Variants in TAFA2 observed in about 807,000 individuals in gnomAD.
The protein encoded by TAFA2 is chemokine-like protein TAFA-2.
TAFA2 carries 7 observed loss-of-function variants against 18.8 expected under a neutral mutation model. That is an observed-to-expected ratio of 0.37 (90% CI 0.21 to 0.70). The LOEUF (loss-of-function observed/expected upper bound fraction) is 0.70, where lower values mean the gene tolerates loss of function less well. Among genes scored for constraint, TAFA2 ranks in the 30% least tolerant of loss-of-function variants. The pLI, the probability that TAFA2 is intolerant of heterozygous loss-of-function variation, is 0.53. For synonymous variants in TAFA2, 60 were observed against 54.2 expected (o/e 1.11, Z -0.47); for missense variants, 122 against 158.1 (o/e 0.77, Z 1.23).
chr12:62,030,748 G>A (rs929538784), intron 1 of TAFA2, among the ~76,000 whole-genome samples: 1 of 152,116 alleles, frequency 6.6e-6, no homozygotes, highest in Non-Finnish European at 1.5e-5. Flanking sequence ...AATGGAACAT[G>A]ATGGGGTGGG....
At chr12:61,812,775 G>T (rs1466467167) in intron 2 of TAFA2, among the ~76,000 whole-genome samples, 1 of 150,926 alleles carries the variant, frequency 6.6e-6, no homozygotes, top group African/African-American at 2.5e-5. Flanking sequence ...TTACCATGTT[G>T]GTCAGGCTGG....
At chr12:62,211,929 A>G (rs776069263) in intron 1 of TAFA2, among the ~76,000 whole-genome samples, 52 of 152,250 alleles carry the variant, frequency 3.4e-4, no homozygotes, top group Non-Finnish European at 6.5e-4. Flanking sequence ...AATGCAAGTC[A>G]GTAAAAAGAA....
At chr12:62,019,570 A>C (rs565546618) in intron 1 of TAFA2, among the ~76,000 whole-genome samples, 140 of 151,918 alleles carry the variant, frequency 9.2e-4, no homozygotes, top group Middle Eastern at 3.4e-3. Context: ...TATCACAAGG[A>C]CAAAAAACCA....
chr12:62,070,217 C>G (rs1882593191), intron 1 of TAFA2, among the ~76,000 whole-genome samples: 1 of 152,162 alleles, frequency 6.6e-6, no homozygotes, highest in Non-Finnish European at 1.5e-5. Context: ...ATCTTAATCT[C>G]TTTCTAATAC....
chr12:61,872,732 C>T (rs1874671054), intron 1 of TAFA2, among the ~76,000 whole-genome samples: 1 of 152,068 alleles, frequency 6.6e-6, no homozygotes, highest in African/African-American at 2.4e-5. Flanking sequence ...AGACCTTACC[C>T]TAAACGTTAA....
At chr12:62,229,869 T>TTGC (rs200858132) in intron 1 of TAFA2, among the ~76,000 whole-genome samples, 1,991 of 152,192 alleles carry the variant, frequency 0.013, 48 homozygotes, top group African/African-American at 0.046. Context: ...GTTGTTGTTG[T>TTGC]TGTTGGGAGA....
chr12:62,074,877 T>C (rs1484824571), intron 1 of TAFA2, among the ~76,000 whole-genome samples: 2 of 151,992 alleles, frequency 1.3e-5, no homozygotes, highest in African/African-American at 4.8e-5. Flanking sequence ...AATTTTTGTA[T>C]TTTTAGTAGA....
intron 2 of TAFA2, 112 bp downstream of exon 2, chr12:61,867,208 G>T (rs138427501): frequency 0.02 from 13,360 of 671,750 alleles, 209 homozygotes; most frequent in Non-Finnish European, 0.027. Context: ...CTGCCAGGGG[G>T]AGAATCTATA....
chr12:61,905,119 A>G (rs1283544575), intron 1 of TAFA2, among the ~76,000 whole-genome samples: 1 of 152,174 alleles, frequency 6.6e-6, no homozygotes, highest in African/African-American at 2.4e-5. Flanking sequence ...AATATGACCA[A>G]ACAGTATTAT....
chr12:62,049,270 A>C (rs1162363817), intron 1 of TAFA2, among the ~76,000 whole-genome samples: 2 of 152,208 alleles, frequency 1.3e-5, no homozygotes, highest in African/African-American at 4.8e-5. Context: ...AATTTTCTCA[A>C]AGAGTCACCA....
intron 1 of TAFA2, among the ~76,000 whole-genome samples, chr12:62,093,915 G>A (rs192115812): frequency 2.8e-4 from 43 of 152,120 alleles, no homozygotes; most frequent in African/African-American, 9.9e-4. Flanking sequence ...GTAAAAGATT[G>A]CAAATCTGCT....
At chr12:62,091,656 A>G (rs949716707) in intron 1 of TAFA2, among the ~76,000 whole-genome samples, 2 of 151,856 alleles carry the variant, frequency 1.3e-5, no homozygotes, top group Non-Finnish European at 2.9e-5. Flanking sequence ...CATTTTTATC[A>G]TTACCCATAC....
intron 4 of TAFA2, among the ~76,000 whole-genome samples, chr12:61,715,380 G>A (rs1015174109): frequency 2.6e-5 from 4 of 151,450 alleles, no homozygotes; most frequent in Non-Finnish European, 5.9e-5. Context: ...ATGGAGTCTC[G>A]TTCTGTCACC....
intron 1 of TAFA2, among the ~76,000 whole-genome samples, chr12:61,952,202 T>C (rs889034303): frequency 6.6e-6 from 1 of 152,146 alleles, no homozygotes; most frequent in South Asian, 2.1e-4. Context: ...AAGACAGATA[T>C]CTGCACAGCC....
At chr12:61,720,761 C>G in intron 4 of TAFA2, 1 of 384,342 alleles carries the variant, frequency 2.6e-6, no homozygotes, top group Non-Finnish European at 5.1e-6. Flanking sequence ...AAACTTCTGT[C>G]CCTTCCTTAG....
At chr12:62,204,689 T>C (rs2062684625) in intron 1 of TAFA2, among the ~76,000 whole-genome samples, 1 of 152,196 alleles carries the variant, frequency 6.6e-6, no homozygotes, top group African/African-American at 2.4e-5. Flanking sequence ...AGGTCATTTA[T>C]GTTCCTCTCT....
chr12:61,741,876 GTTTGTT>G (rs1868469287), intron 4 of TAFA2, among the ~76,000 whole-genome samples: 1 of 152,084 alleles, frequency 6.6e-6, no homozygotes, highest in Non-Finnish European at 1.5e-5. Flanking sequence ...TTTAAACAGA[GTTTGTT>G]AATTCTGCTA....
At chr12:62,010,450 A>C (rs1880699219) in intron 1 of TAFA2, among the ~76,000 whole-genome samples, 1 of 151,786 alleles carries the variant, frequency 6.6e-6, no homozygotes, top group Admixed American at 6.5e-5. Context: ...AGTCTCGCTC[A>C]CTCAATGCTC....
intron 1 of TAFA2, among the ~76,000 whole-genome samples, chr12:61,947,732 G>T (rs935371794): frequency 6.6e-6 from 1 of 152,056 alleles, no homozygotes; most frequent in Non-Finnish European, 1.5e-5. Flanking sequence ...TCATCTCCTC[G>T]ATATGTAAGT....
Sources: gnomAD v4.1 joint callset for allele counts (sites outside exome capture counted in the v4.1 genomes callset) on GRCh38, gnomAD v4.1.1 for gene constraint, MANE v1.5 for transcripts, NCBI Gene and HGNC (gene_info 2026-07-23, HGNC 2026-07-21) for gene names.